The following RPH3A variants were observed in gnomAD, a reference collection of about 807,000 sequenced individuals.
The protein encoded by RPH3A is rabphilin 3A.
In RPH3A, 48 loss-of-function variants were observed where a neutral mutation model predicts 102.2. The ratio of observed to expected loss-of-function variants is 0.47; its 90% confidence interval spans 0.37 to 0.60. RPH3A has a LOEUF of 0.60. Among genes scored for constraint, RPH3A ranks in the 20% least tolerant of loss-of-function variants. The pLI is 0.00. For missense variants in RPH3A, 781 were observed against 910.1 expected, an observed-to-expected ratio of 0.86 and a Z score of 1.83; for synonymous variants, 310 against 324.3, an observed-to-expected ratio of 0.96 and a Z score of 0.47.
At chr12:112,613,728 T>A (rs1444125016) in intron 1 of RPH3A, among the ~76,000 whole-genome samples, 1 of 152,028 alleles carries the variant, frequency 6.6e-6, no homozygotes, top group Non-Finnish European at 1.5e-5. Context: ...GGGGAGGATC[T>A]TTTGGGCCTA....
Position 112,869,885 on chromosome 12 carries a change from C to T in RPH3A, c.650-8C>T. Reference sequence around the variant, plus strand: ...CTTTCTCTACTCAATTCATGCTCTTCTTTCCAGGCCCTGACCCAGCCTCTG... The same window carrying T: ...CTTTCTCTACTCAATTCATGCTCTTTTTTCCAGGCCCTGACCCAGCCTCTG... On this transcript the variant is annotated splice_polypyrimidine_tract_variant and splice_region_variant and intron_variant, in intron 9 of 21. Coordinates refer to ENST00000389385, the MANE Select transcript of RPH3A (RefSeq NM_001143854.2). 6.2e-7 allele frequency: 1 copy of T among 1,614,106 alleles called. No individual in the cohort carries two copies. The highest frequency in any genetic ancestry group is 8.5e-7 in the Non-Finnish European group (1 of 1,180,002).
chr12:112,733,759 G>A (rs980191496), intron 1 of RPH3A, among the ~76,000 whole-genome samples: 3 of 152,152 alleles, frequency 2.0e-5, no homozygotes, highest in African/African-American at 7.2e-5. Context: ...AAAGACAAGC[G>A]GATGTGCAAA....
At chr12:112,719,505 G>A (rs568890899) in intron 1 of RPH3A, among the ~76,000 whole-genome samples, 3 of 152,264 alleles carry the variant, frequency 2.0e-5, no homozygotes, top group Non-Finnish European at 2.9e-5. Context: ...CAATAATAGC[G>A]TGCATTGTGC....
intron 19 of RPH3A, chr12:112,893,456 C>G (rs548008691): frequency 1.3e-5 from 2 of 152,174 alleles, no homozygotes; most frequent in African/African-American, 4.8e-5. Context: ...AATGTCCCAG[C>G]CCTTAGGAGT....
intron 4 of RPH3A, among the ~76,000 whole-genome samples, chr12:112,847,221 C>A (rs112436543): frequency 1.3e-5 from 2 of 152,110 alleles, no homozygotes; most frequent in Non-Finnish European, 2.9e-5. Flanking sequence ...CCAGAGACTT[C>A]GAGGCTGGAA....
At chr12:112,700,598 G>C (rs1029796402) in intron 1 of RPH3A, among the ~76,000 whole-genome samples, 2 of 152,100 alleles carry the variant, frequency 1.3e-5, no homozygotes, top group African/African-American at 4.8e-5. Context: ...GTCTGCACCT[G>C]GTCTGCTAAT....
At chr12:112,692,868 T>C (rs974295444) in intron 1 of RPH3A, among the ~76,000 whole-genome samples, 4 of 152,230 alleles carry the variant, frequency 2.6e-5, no homozygotes, top group African/African-American at 9.6e-5. Flanking sequence ...TGAAGACAAG[T>C]TGATATCCTG....
chr12:112,857,975 G>T (rs1228458855), intron 5 of RPH3A, among the ~76,000 whole-genome samples: 2 of 152,106 alleles, frequency 1.3e-5, no homozygotes, highest in Admixed American at 1.3e-4. Flanking sequence ...TCCAAGTGTT[G>T]TCTCTAAATG....
intron 1 of RPH3A, among the ~76,000 whole-genome samples, chr12:112,767,225 A>G (rs2040896285): frequency 6.6e-6 from 1 of 152,214 alleles, no homozygotes; most frequent in African/African-American, 2.4e-5. Flanking sequence ...CACCATATCT[A>G]GTCCACAGTA....
intron 4 of RPH3A, among the ~76,000 whole-genome samples, chr12:112,843,056 G>A (rs920825900): frequency 5.3e-5 from 8 of 152,206 alleles, no homozygotes; most frequent in South Asian, 2.1e-4. Flanking sequence ...ACTTGTCCAA[G>A]GGGAGCAATA....
chr12:112,887,388 T>C (rs1785462612), intron 16 of RPH3A, among the ~76,000 whole-genome samples: 1 of 152,212 alleles, frequency 6.6e-6, no homozygotes, highest in South Asian at 2.1e-4. Context: ...AAAGAGTCTA[T>C]ATTATATGAT....
intron 5 of RPH3A, among the ~76,000 whole-genome samples, chr12:112,855,703 G>A (rs762425020): frequency 6.6e-6 from 1 of 152,232 alleles, no homozygotes; most frequent in Non-Finnish European, 1.5e-5. Context: ...CCTGGCATTA[G>A]AGCCTCAGGC....
chr12:112,746,314 C>T (rs185938823), intron 1 of RPH3A, among the ~76,000 whole-genome samples: 68 of 152,252 alleles, frequency 4.5e-4, no homozygotes, highest in Non-Finnish European at 8.7e-4. Flanking sequence ...AGTGCTGCAA[C>T]AGAATGTCAG....
intron 5 of RPH3A, chr12:112,851,039 G>A (rs192047500): frequency 1.3e-4 from 20 of 152,280 alleles, no homozygotes; most frequent in African/African-American, 4.8e-4. Context: ...GATGCTGAAT[G>A]TTCTTTTCTG....
At chr12:112,826,875 A>G (rs993677539) in intron 2 of RPH3A, among the ~76,000 whole-genome samples, 1 of 152,192 alleles carries the variant, frequency 6.6e-6, no homozygotes, top group African/African-American at 2.4e-5. Context: ...TTAAGCTATT[A>G]TGAATAAAGC....
At chr12:112,713,308 T>C (rs2040493535) in intron 1 of RPH3A, among the ~76,000 whole-genome samples, 1 of 152,000 alleles carries the variant, frequency 6.6e-6, no homozygotes, top group African/African-American at 2.4e-5. Context: ...AATAATAAAG[T>C]ATACTTATCC....
intron 1 of RPH3A, among the ~76,000 whole-genome samples, chr12:112,584,990 C>T (rs1449315444): frequency 2.0e-5 from 3 of 152,160 alleles, no homozygotes; most frequent in Non-Finnish European, 2.9e-5. Context: ...TAGGAAAGCC[C>T]ACAGTGCAGC....
In RPH3A at chr12:112,894,594, A is replaced by G; in HGVS notation, c.1792A>G (p.Met598Val). 6.2e-6 allele frequency: 10 copies of G among 1,613,998 alleles called. No individual in the cohort carries two copies. The highest frequency in any genetic ancestry group is 8.5e-6 in the Non-Finnish European group (10 of 1,179,966). The change falls in exon 20 of 22, where the codon ATG (methionine) becomes GTG (valine). Residue 598 changes from methionine (M) to valine (V), a missense_variant. By Grantham distance (21) the Met-to-Val change is conservative. Around this residue, in one of 2 missense-constraint regions of RPH3A, gnomAD observed 730 missense variants for 810.0 expected, o/e 0.90. Transcript: ENST00000389385. Reference protein sequence around the residue: ...PFVKLWLKPDMGKKAKHKTQI... With the variant: ...PFVKLWLKPDVGKKAKHKTQI... ...GCCTCCCAGCTGGCTGAAACCGGAC[A>G]TGGGAAAGAAGGCCAAACACAAGAC... is the stretch of plus-strand genomic sequence containing the variant.
rs183460036 is a variant in RPH3A, at chr12:112,752,907, C to A, written c.-139-39236C>A. On this transcript the variant is annotated intron_variant, in intron 1 of 21. Coordinates refer to the RPH3A transcript ENST00000543106. ...GCTGTACAGGTTCCCATCATTGAGACTGTATGATCATTTATTTCCCCAACC... is the reference window on the plus strand; with the variant it reads ...GCTGTACAGGTTCCCATCATTGAGAATGTATGATCATTTATTTCCCCAACC... Among the ~76,000 whole-genome samples, 282 of 150,670 alleles carry A rather than the reference C, an allele frequency of 1.9e-3. 1 individual carries two copies. Among genetic ancestry groups the A allele is most frequent in the Non-Finnish European group, 3.3e-3 (223 of 67,816 alleles).
Sources: gnomAD v4.1 joint callset for allele counts (sites outside exome capture counted in the v4.1 genomes callset) on GRCh38, gnomAD v4.1.1 for gene constraint, gnomAD v4.1.1 regional missense constraint, MANE v1.5 for transcripts, NCBI Gene and HGNC (gene_info 2026-07-23, HGNC 2026-07-21) for gene names.